Variants in KIAA0930 observed in about 807,000 individuals in gnomAD.
The protein encoded by KIAA0930 is uncharacterized protein KIAA0930.
Under a neutral mutation model 43.9 loss-of-function variants are expected in KIAA0930, and 24 were observed. The ratio of observed to expected loss-of-function variants is 0.55; its 90% CI spans 0.40 to 0.77. The LOEUF (loss-of-function observed/expected upper bound fraction) is 0.77. Ranked by LOEUF, KIAA0930 falls within the 30% of genes least tolerant of loss-of-function variation. KIAA0930 has a pLI of 0.00. For missense variants in KIAA0930, 461 were observed against 574.2 expected (o/e 0.80, Z 2.02); for synonymous variants, 259 against 216.4 (o/e 1.20, Z -1.73).
In KIAA0930 at chr22:45,192,354, C is replaced by T. The variant is rs867616794; in HGVS notation, c.*4822G>A. 2 of 152,198 alleles carry T rather than the reference C, an allele frequency of 1.3e-5. No individual in the cohort carries two copies. Among genetic ancestry groups the T allele is most frequent in the African/African-American group, 2.4e-5 (1 of 41,420 alleles). 9.4% of individuals were successfully genotyped at this position (152,198 alleles called of 1,614,324 possible). On this transcript the variant is annotated 3_prime_UTR_variant, in exon 10 of 10. Coordinates refer to ENST00000336156, the MANE Select transcript of KIAA0930 (RefSeq NM_001009880.2). ...AACAAATACCGCCTAGCAATGATTT[C>T]CACTGGATGTGGAAGAGGGTTAATA... is the stretch of plus-strand genomic sequence containing the variant.
intron 8 of KIAA0930, among the ~76,000 whole-genome samples, chr22:45,199,530 C>T (rs1001499579): frequency 2.0e-5 from 3 of 152,222 alleles, no homozygotes; most frequent in Non-Finnish European, 4.4e-5. Context: ...CCCGTGTGTG[C>T]GGAGCCATCA....
chr22:45,225,577 C>G (rs1477835825), intron 1 of KIAA0930, among the ~76,000 whole-genome samples: 1 of 152,188 alleles, frequency 6.6e-6, no homozygotes, highest in Non-Finnish European at 1.5e-5. Flanking sequence ...CCCTGGAGAG[C>G]CTTGCTCCCT....
chr22:45,197,268 A>T (rs1266246693), intron 9 of KIAA0930, 52 bp from the exon 10 acceptor site: 2 of 1,503,844 alleles, frequency 1.3e-6, no homozygotes, highest in Non-Finnish European at 1.8e-6. Flanking sequence ...AACAGCGGTG[A>T]GTGCTATGGT....
rs368850733 is a variant in KIAA0930, at chr22:45,200,917, G to A, written c.853-882C>T. ...GGGAAGGCTTCCTGGAGGAGATGCC[G>A]CTGGAGCTGGGTCTTGAAGGACGAG... On this transcript the variant is annotated intron_variant, in intron 7 of 9. Coordinates refer to ENST00000336156, the MANE Select transcript of KIAA0930 (RefSeq NM_001009880.2). The A allele has an allele frequency of 3.0e-4, 145 of 479,150 alleles. 1 individual carries two copies. In the East Asian group the frequency reaches 3.2e-3, roughly 11 times the overall value. 29.7% of individuals were successfully genotyped at this position (479,150 alleles called of 1,614,324 possible).
chr22:45,215,661 C>T (rs530302983), intron 1 of KIAA0930, among the ~76,000 whole-genome samples: 12 of 152,264 alleles, frequency 7.9e-5, no homozygotes, highest in African/African-American at 2.2e-4. Context: ...CATGGGAATA[C>T]GTGTAATACG....
intron 1 of KIAA0930, among the ~76,000 whole-genome samples, chr22:45,216,027 C>CAAAA (rs35402834): frequency 1.4e-5 from 2 of 145,028 alleles, no homozygotes; most frequent in African/African-American, 2.5e-5. Flanking sequence ...GACTCCGTCT[C>CAAAA]AAAAAAAAAA....
chr22:45,233,587 T>C (rs9615074), intron 1 of KIAA0930, among the ~76,000 whole-genome samples: 77,202 of 151,826 alleles, frequency 0.51, 19,699 homozygotes, highest in South Asian at 0.59. Flanking sequence ...ACAGCCCGGG[T>C]GCCCACCCGG....
intron 2 of KIAA0930, chr22:45,211,438 A>T: frequency 2.5e-6 from 1 of 399,606 alleles, no homozygotes; most frequent in Non-Finnish European, 4.4e-6. Flanking sequence ...CTCATCTGTA[A>T]AAGGGGTAAG....
intron 1 of KIAA0930, among the ~76,000 whole-genome samples, chr22:45,219,193 A>G (rs1311050365): frequency 1.3e-5 from 2 of 152,142 alleles, no homozygotes; most frequent in Non-Finnish European, 2.9e-5. Flanking sequence ...TCAGACCTTC[A>G]GTTTCCTCAT....
At chr22:45,237,191 G>C (rs1449110709) in intron 1 of KIAA0930, among the ~76,000 whole-genome samples, 3 of 152,242 alleles carry the variant, frequency 2.0e-5, no homozygotes, top group African/African-American at 7.2e-5. Flanking sequence ...CTGTGACCTG[G>C]AGTCATGAGC....
At chr22:45,238,173 G>C (rs2083898239) in intron 1 of KIAA0930, among the ~76,000 whole-genome samples, 1 of 151,752 alleles carries the variant, frequency 6.6e-6, no homozygotes, top group Non-Finnish European at 1.5e-5. Flanking sequence ...TGATCCGCCC[G>C]CCTCAGCCTC....
intron 3 of KIAA0930, 23 bp downstream of exon 3, chr22:45,205,770 G>GCGCCCCCCCC: frequency 1.3e-6 from 2 of 1,523,786 alleles, no homozygotes; most frequent in Non-Finnish European, 9.1e-7. Context: ...CCAATCCGCA[G>GCGCCCCCCCC]CCCCACCCAT....
At chr22:45,205,764 TC>T (rs1418683146) in intron 3 of KIAA0930, 28 bp downstream of exon 3, 2 of 1,601,176 alleles carry the variant, frequency 1.2e-6, no homozygotes, top group Non-Finnish European at 8.6e-7. Flanking sequence ...ACAGGGCCAA[TC>T]CGCAGCCCCA....
intron 9 of KIAA0930, 78 bp downstream of exon 9, chr22:45,197,712 G>A (rs1295083178): frequency 5.3e-6 from 8 of 1,495,986 alleles, no homozygotes; most frequent in Non-Finnish European, 7.4e-6. Context: ...ACTCCGGGTG[G>A]CTCACAAGTA....
intron 2 of KIAA0930, chr22:45,207,750 C>G (rs5766539): frequency 0.11 from 18,750 of 169,584 alleles, 1,322 homozygotes; most frequent in East Asian, 0.15. Context: ...CAGGCCTGCA[C>G]CCCCCAAAGG....
Position 45,203,036 on chromosome 22 carries a change from CAG to C in KIAA0930, c.804_805del (p.Cys269TrpfsTer3), listed in dbSNP as rs1396400427. 1.9e-6 allele frequency: 3 copies of C among 1,613,364 alleles called. No homozygotes were observed. Among genetic ancestry groups the C allele is most frequent in the Non-Finnish European group, 2.5e-6 (3 of 1,179,772 alleles). On this transcript the variant is annotated frameshift_variant, in exon 7 of 10. Coordinates refer to ENST00000336156, the MANE Select transcript of KIAA0930 (RefSeq NM_001009880.2). LOFTEE classifies it high-confidence loss of function. Reference sequence around the variant, plus strand: ...TGGGCTGGAGTCCTCTTCAGTCCCACAGGGGGATGTGTCACCTGTAGACACTC... The same window carrying C: ...TGGGCTGGAGTCCTCTTCAGTCCCACGGGGATGTGTCACCTGTAGACACTC...
chr22:45,235,597 C>A (rs1216512545), intron 1 of KIAA0930, among the ~76,000 whole-genome samples: 1 of 150,784 alleles, frequency 6.6e-6, no homozygotes, highest in Non-Finnish European at 1.5e-5. Flanking sequence ...GCCCGAGCGT[C>A]GGGGCATAAA....
chr22:45,216,007 G>A (rs940450399), intron 1 of KIAA0930, among the ~76,000 whole-genome samples: 1 of 144,706 alleles, frequency 6.9e-6, no homozygotes, highest in East Asian at 2.1e-4. Context: ...CAGCCTGGGC[G>A]ACAGAGCGAG....
chr22:45,240,478 G>T (rs533151713), intron 1 of KIAA0930, among the ~76,000 whole-genome samples, 162 bp downstream of exon 1: 2 of 152,058 alleles, frequency 1.3e-5, no homozygotes, highest in Admixed American at 6.5e-5. Context: ...GGACGGTGGG[G>T]GGGGGGCCAT....
Sources: allele counts gnomAD v4.1 joint callset (sites outside exome capture counted in the v4.1 genomes callset), GRCh38; gene constraint gnomAD v4.1.1; transcripts MANE v1.5; gene names NCBI Gene and HGNC (gene_info 2026-07-23, HGNC 2026-07-21).